The following ADAMTSL1 variants were observed in gnomAD, a reference collection of about 807,000 sequenced individuals.
ADAMTSL1 encodes ADAMTS like 1.
Under a neutral mutation model 201.8 loss-of-function variants are expected in ADAMTSL1, and 126 were observed. The ratio of observed to expected loss-of-function variants is 0.62; its 90% CI spans 0.54 to 0.72. The LOEUF is 0.72. ADAMTSL1 is among the 30% of genes least tolerant of loss of function. The pLI is 0.00. For synonymous variants in ADAMTSL1, 1,121 were observed against 903.4 expected, an observed-to-expected ratio of 1.24 and a Z score of -4.32; for missense variants, 2,679 against 2,277.8, an observed-to-expected ratio of 1.18 and a Z score of -3.59.
At chr9:18,807,942 TACTGGCAATC>T (rs772357046) in intron 20 of ADAMTSL1, among the ~76,000 whole-genome samples, 26 of 152,212 alleles carry the variant, frequency 1.7e-4, no homozygotes, top group Non-Finnish European at 3.4e-4. Flanking sequence ...CAAACATAGG[TACTGGCAATC>T]ACGTGGCAGT....
At chr9:18,533,077 C>G (rs150827763) in intron 2 of ADAMTSL1, among the ~76,000 whole-genome samples, 170 bp from the exon 3 acceptor site, 109 of 152,154 alleles carry the variant, frequency 7.2e-4, no homozygotes, top group African/African-American at 2.5e-3. Flanking sequence ...ACATCTATAA[C>G]TTCTTTAAAT....
At chr9:18,378,210 G>A (rs1225707531) in intron 2 of ADAMTSL1, among the ~76,000 whole-genome samples, 1 of 152,138 alleles carries the variant, frequency 6.6e-6, no homozygotes, top group African/African-American at 2.4e-5. Context: ...AGGAAATAAG[G>A]CTTTAACCAA....
chr9:18,759,377 A>C (rs921016432), intron 16 of ADAMTSL1, among the ~76,000 whole-genome samples: 1 of 152,222 alleles, frequency 6.6e-6, no homozygotes, highest in Non-Finnish European at 1.5e-5. Context: ...AGATTTAAAC[A>C]TACATACATA....
rs549500516 is a variant in ADAMTSL1, at chr9:18,235,541, G to C, written c.207+71560G>C. Among the ~76,000 whole-genome samples, 10 of 152,276 alleles carry C rather than the reference G, an allele frequency of 6.6e-5. No homozygotes were observed. In the East Asian group the frequency reaches 1.5e-3, roughly 24 times the overall value. On this transcript the variant is annotated intron_variant, in intron 2 of 29. Transcript: ENST00000680146. ...CCCTGCTATACCTACACAGGTATTA[G>C]CTCTAATAATTAATAGAATACTGAG...
At chr9:18,562,228 ATC>A (rs1426731632) in intron 3 of ADAMTSL1, among the ~76,000 whole-genome samples, 1 of 152,048 alleles carries the variant, frequency 6.6e-6, no homozygotes, top group Non-Finnish European at 1.5e-5. Context: ...TGGTGACAAA[ATC>A]TCTCAGCATT....
At chr9:18,696,244 A>C (rs758711078) in intron 13 of ADAMTSL1, among the ~76,000 whole-genome samples, 5 of 152,234 alleles carry the variant, frequency 3.3e-5, no homozygotes, top group Non-Finnish European at 1.5e-5. Context: ...TGAGACCTGA[A>C]AGATGAGTGG....
chr9:18,019,293 A>T (rs1820384309), intron 1 of ADAMTSL1, among the ~76,000 whole-genome samples: 1 of 152,104 alleles, frequency 6.6e-6, no homozygotes, highest in African/African-American at 2.4e-5. Context: ...AACGAAAAGG[A>T]GTCAGGACTT....
intron 3 of ADAMTSL1, among the ~76,000 whole-genome samples, chr9:18,536,366 A>G (rs912682185): frequency 1.3e-5 from 2 of 151,856 alleles, no homozygotes. Flanking sequence ...TTTTTGTAGA[A>G]CCGCTACATA....
intron 1 of ADAMTSL1, among the ~76,000 whole-genome samples, chr9:18,050,782 G>C (rs894453056): frequency 4.6e-5 from 7 of 152,178 alleles, no homozygotes; most frequent in African/African-American, 1.7e-4. Context: ...GGAAACATAA[G>C]AGATGAGGCT....
intron 2 of ADAMTSL1, among the ~76,000 whole-genome samples, chr9:18,447,195 A>G (rs549987748): frequency 3.1e-4 from 47 of 152,266 alleles, no homozygotes; most frequent in African/African-American, 1.1e-3. Flanking sequence ...TTATATAGTA[A>G]TGAAAGTCAG....
upstream of ADAMTSL1, among the ~76,000 whole-genome samples, chr9:18,470,612 G>A (rs1305847060): frequency 1.3e-5 from 2 of 152,116 alleles, no homozygotes; most frequent in Non-Finnish European, 2.9e-5. Context: ...TGCAGCTGAC[G>A]GGCTAAGCAG....
intron 2 of ADAMTSL1, among the ~76,000 whole-genome samples, chr9:18,431,654 T>C (rs754858761): frequency 3.3e-5 from 5 of 152,092 alleles, no homozygotes; most frequent in African/African-American, 9.7e-5. Context: ...TTTCCAGAAG[T>C]CTTCACCTTC....
chr9:18,472,817 C>T (rs1230866904), upstream of ADAMTSL1, among the ~76,000 whole-genome samples: 2 of 152,216 alleles, frequency 1.3e-5, no homozygotes, highest in Non-Finnish European at 2.9e-5. Flanking sequence ...GGGAAAACGT[C>T]CTGATGACAC....
intron 2 of ADAMTSL1, among the ~76,000 whole-genome samples, chr9:18,256,656 T>C (rs1307319190): frequency 1.3e-5 from 2 of 152,180 alleles, no homozygotes; most frequent in Non-Finnish European, 2.9e-5. Context: ...ACAGAGAGGC[T>C]TAAGAGCTAA....
chr9:18,438,400 C>A (rs541146859), intron 2 of ADAMTSL1, among the ~76,000 whole-genome samples: 10 of 152,206 alleles, frequency 6.6e-5, no homozygotes, highest in African/African-American at 1.4e-4. Flanking sequence ...TGCTAGGAAC[C>A]CAACACCGTC....
chr9:18,872,342 T>C (rs1191974024), intron 23 of ADAMTSL1, among the ~76,000 whole-genome samples: 1 of 152,182 alleles, frequency 6.6e-6, no homozygotes, highest in Non-Finnish European at 1.5e-5. Flanking sequence ...TTTTTTATTA[T>C]TAATTTCAGT....
intron 2 of ADAMTSL1, among the ~76,000 whole-genome samples, chr9:18,256,810 C>T (rs1204085522): frequency 6.6e-6 from 1 of 152,198 alleles, no homozygotes; most frequent in African/African-American, 2.4e-5. Flanking sequence ...TCCCTGTCAG[C>T]ACTGCCTGTT....
In ADAMTSL1 at chr9:17,971,205, G is replaced by C. The variant is rs551841568; in HGVS notation, c.87+64283G>C. 9.2e-5 allele frequency among the ~76,000 whole-genome samples: 14 copies of C among 152,082 alleles called. No homozygotes were observed. The South Asian group carries it at 2.9e-3, about 31-fold the overall frequency. On this transcript the variant is annotated intron_variant, in intron 1 of 29. Coordinates refer to the ADAMTSL1 transcript ENST00000680146. Reference sequence around the variant, plus strand: ...CTTTAATTGATAGTTTGGAGGGTTGGAAAATGTAGTCAAGCAAACTGACAT... The same window carrying C: ...CTTTAATTGATAGTTTGGAGGGTTGCAAAATGTAGTCAAGCAAACTGACAT...
At chr9:18,771,433 C>G (rs1820681335) in intron 17 of ADAMTSL1, among the ~76,000 whole-genome samples, 1 of 152,146 alleles carries the variant, frequency 6.6e-6, no homozygotes, top group African/African-American at 2.4e-5. Flanking sequence ...CTAAATAATG[C>G]CTCTCCTAAT....
Sources: gnomAD v4.1 joint callset for allele counts (sites outside exome capture counted in the v4.1 genomes callset) on GRCh38, gnomAD v4.1.1 for gene constraint, MANE v1.5 for transcripts, NCBI Gene and HGNC (gene_info 2026-07-23, HGNC 2026-07-21) for gene names.